PRPS2: variants seen among roughly 807,000 people sequenced by gnomAD.
PRPS2 encodes the protein phosphoribosyl pyrophosphate synthetase 2, also known as ribose-phosphate pyrophosphokinase 2.
For missense variants in PRPS2, 104 were observed against 271.5 expected (o/e 0.38, Z 4.34); for synonymous variants, 111 against 115.3 (o/e 0.96, Z 0.24).
At chrX:12,799,858 C>T (rs900193205) in intron 2 of PRPS2, among the ~76,000 whole-genome samples, 5 of 111,066 alleles carry the variant, frequency 4.5e-5, no homozygotes, top group African/African-American at 1.3e-4. Context: ...AACTGCATGT[C>T]TATCTACAAT....
At chrX:12,802,050 G>A (rs1316823184) in intron 2 of PRPS2, among the ~76,000 whole-genome samples, 2 of 112,348 alleles carry the variant, frequency 1.8e-5, no homozygotes, top group South Asian at 3.7e-4. Flanking sequence ...ACTATTACCC[G>A]ATTTGTAACC....
chrX:12,809,424 G>A, intron 3 of PRPS2, 92 bp downstream of exon 3: 1 of 894,011 alleles, frequency 1.1e-6, no homozygotes, highest in Non-Finnish European at 1.6e-6. Flanking sequence ...TTTATATATG[G>A]CTACTCTCTT....
intron 4 of PRPS2, among the ~76,000 whole-genome samples, chrX:12,811,300 G>A (rs1259325098): frequency 8.9e-6 from 1 of 112,431 alleles, no homozygotes; most frequent in South Asian, 3.7e-4. Flanking sequence ...GGTCGTAACA[G>A]TACGGCAGTG....
At chrX:12,812,705 T>C (rs1010389423) in intron 4 of PRPS2, among the ~76,000 whole-genome samples, 1 of 112,198 alleles carries the variant, frequency 8.9e-6, no homozygotes, top group African/African-American at 3.2e-5. Flanking sequence ...AGCAGTGTTT[T>C]GCATATTCAG....
Position 12,816,891 on chromosome X carries a change from A to G in PRPS2, c.531-2616A>G. 1.8e-5 allele frequency among the ~76,000 whole-genome samples: 2 copies of G among 111,123 alleles called. 1 individual carries two copies. Among genetic ancestry groups the G allele is most frequent in the East Asian group, 5.6e-4 (2 of 3,544 alleles). Reference sequence around the variant, plus strand: ...GGAAAGGCAGTTTTGCTGAGTATAGACTCCTAGCCTGAGAGTTATTTTCTC... The same window carrying G: ...GGAAAGGCAGTTTTGCTGAGTATAGGCTCCTAGCCTGAGAGTTATTTTCTC... On this transcript the variant is annotated intron_variant, in intron 4 of 6. Coordinates refer to ENST00000380668, the MANE Select transcript of PRPS2 (RefSeq NM_002765.5).
chrX:12,800,127 G>A (rs1316359942), intron 2 of PRPS2, among the ~76,000 whole-genome samples: 2 of 111,867 alleles, frequency 1.8e-5, no homozygotes, highest in African/African-American at 3.2e-5. Context: ...TACATAAACC[G>A]CGTGGCTTAA....
chrX:12,807,947 A>C (rs2042602195), intron 2 of PRPS2, among the ~76,000 whole-genome samples: 1 of 102,959 alleles, frequency 9.7e-6, no homozygotes, highest in Non-Finnish European at 2.0e-5. Flanking sequence ...GGCTCACTGC[A>C]ACCTCTGTCT....
At chrX:12,814,069 C>T (rs367996262) in intron 4 of PRPS2, among the ~76,000 whole-genome samples, 8 of 19,371 alleles carry the variant, frequency 4.1e-4, no homozygotes, top group Non-Finnish European at 8.2e-4. Flanking sequence ...AGCCCCCCCA[C>T]CCCCGACTCT....
intron 1 of PRPS2, among the ~76,000 whole-genome samples, chrX:12,798,135 A>G (rs749528466): frequency 8.9e-6 from 1 of 112,193 alleles, no homozygotes; most frequent in Non-Finnish European, 1.9e-5. Flanking sequence ...TTAGGGTGGA[A>G]TCTGGATTCA....
At chrX:12,817,468 T>TAAAAAAAAAAAAAAAAAAAAAAAA (rs765566895) in intron 4 of PRPS2, among the ~76,000 whole-genome samples, 1 of 67,276 alleles carries the variant, frequency 1.5e-5, no homozygotes, top group Non-Finnish European at 2.7e-5. Context: ...ATGTTCCTCA[T>TAAAAAAAAAAAAAAAAAAAAAAAA]AAAAAAAAAA....
At chrX:12,792,478 G>T (rs2042524765) in intron 1 of PRPS2, among the ~76,000 whole-genome samples, 1 of 112,058 alleles carries the variant, frequency 8.9e-6, no homozygotes, top group Non-Finnish European at 1.9e-5. Flanking sequence ...GAGAGCCTCA[G>T]GTGGTGGCCA....
chrX:12,793,189 A>G (rs1044433716), intron 1 of PRPS2, among the ~76,000 whole-genome samples: 1 of 112,667 alleles, frequency 8.9e-6, no homozygotes, highest in African/African-American at 3.2e-5. Context: ...GTGTCGTCAT[A>G]TAAGTAAAGG....
intron 3 of PRPS2, among the ~76,000 whole-genome samples, chrX:12,809,600 C>G (rs1325022245): frequency 8.9e-6 from 1 of 111,886 alleles, no homozygotes; most frequent in Admixed American, 9.5e-5. Context: ...GAACGGCAGT[C>G]ATAATGTACA....
rs1389971827 is a variant in PRPS2 at position 12,810,158 on chromosome X, G to A, written c.530+12G>A. ...GGGGGAGCCAAAAGGTATCATGCAG[G>A]CTACACCTTGCAGATTTCTCCATCT... On this transcript the variant is annotated intron_variant, in intron 4 of 6. Coordinates refer to ENST00000380668, the MANE Select transcript of PRPS2 (RefSeq NM_002765.5). 2.5e-6 allele frequency: 3 copies of A among 1,207,467 alleles called. No homozygotes were observed. The highest frequency in any genetic ancestry group is 1.8e-5 in the South Asian group (1 of 55,641).
chrX:12,809,677 T>C (rs2042613075), intron 3 of PRPS2, among the ~76,000 whole-genome samples: 1 of 112,205 alleles, frequency 8.9e-6, no homozygotes, highest in African/African-American at 3.2e-5. Flanking sequence ...TGTGCCACTT[T>C]GTGTTATATA....
At position 12,823,315 on chromosome X, in the gene PRPS2, C is replaced by A. The variant is rs866751765; in HGVS notation, c.*519C>A. On this transcript the variant is annotated 3_prime_UTR_variant, in exon 7 of 7. Coordinates refer to ENST00000380668, the MANE Select transcript of PRPS2 (RefSeq NM_002765.5). ...TATAATACCATGGATTTTGAATTTT[C>A]CTTTTTTTTTTTTTTTTGGATAACT... 5.6e-5 allele frequency: 1 copy of A among 17,799 alleles called. No homozygotes were observed. 1.5% of individuals were successfully genotyped at this position (17,799 alleles called of 1,213,427 possible). A position where few individuals can be genotyped will look rare whatever the true frequency, so the allele number is the denominator to read the frequency against.
intron 4 of PRPS2, among the ~76,000 whole-genome samples, chrX:12,813,584 T>C (rs1340616921): frequency 8.9e-6 from 1 of 112,022 alleles, no homozygotes; most frequent in Non-Finnish European, 1.9e-5. Context: ...CACAGTGGGT[T>C]ATCAGGCAGT....
chrX:12,821,160 T>C (rs755037591), intron 6 of PRPS2, among the ~76,000 whole-genome samples: 1 of 112,193 alleles, frequency 8.9e-6, no homozygotes, highest in South Asian at 3.7e-4. Flanking sequence ...TGTACAGACA[T>C]GTTCATAGCA....
intron 2 of PRPS2, among the ~76,000 whole-genome samples, chrX:12,806,024 G>A (rs958216109): frequency 4.1e-4 from 45 of 109,208 alleles, no homozygotes; most frequent in African/African-American, 1.4e-3. Context: ...AGTGCAGTGA[G>A]CTGAGATCTC....
Sources: allele counts gnomAD v4.1 joint callset (sites outside exome capture counted in the v4.1 genomes callset), GRCh38; gene constraint gnomAD v4.1.1; transcripts MANE v1.5; gene names NCBI Gene and HGNC (gene_info 2026-07-23, HGNC 2026-07-21).